The following ELP3 variants were observed in gnomAD, a reference collection of about 807,000 sequenced individuals.
ELP3 encodes elongator acetyltransferase complex subunit 3, also known as elongator complex protein 3.
In ELP3, 56 loss-of-function variants were observed where a neutral mutation model predicts 74.9. The ratio of observed to expected loss-of-function variants is 0.75; its 90% CI spans 0.60 to 0.93. The LOEUF (loss-of-function observed/expected upper bound fraction) is 0.93, where lower values mean the gene tolerates loss of function less well. Among genes scored for constraint, ELP3 ranks in the 40% least tolerant of loss-of-function variants. The pLI is 0.00. For synonymous variants in ELP3, 222 were observed against 239.8 expected (o/e 0.93, Z 0.68); for missense variants, 573 against 686.5 (o/e 0.83, Z 1.85).
intron 10 of ELP3, among the ~76,000 whole-genome samples, 199 bp from the exon 11 acceptor site, chr8:28,155,743 A>T (rs1813799766): frequency 6.6e-6 from 1 of 152,244 alleles, no homozygotes; most frequent in Non-Finnish European, 1.5e-5. Flanking sequence ...GGTCAGGGGA[A>T]ATCATAATTT....
intron 7 of ELP3, chr8:28,129,270 T>C: frequency 2.1e-6 from 1 of 485,496 alleles, no homozygotes; most frequent in East Asian, 3.4e-5. Context: ...GTGTAGATAG[T>C]GTATTATCCT....
Position 28,137,845 on chromosome 8 carries a change from A to C in ELP3, c.1054A>C (p.Ile352Leu). ...TGACCTGGTTGAATTGGTGGCTCGG[A>C]TCCTAGCCCTCGTGCCTCCATGGAC... is the stretch of plus-strand genomic sequence containing the variant. ...PSDLVELVAR[I>L]LALVPPWTRV... Residue 352 changes from isoleucine (I) to leucine (L), a missense_variant, in exon 10 of 15, where the codon ATC (isoleucine) becomes CTC (leucine). Physicochemically the swap from Ile to Leu is conservative, Grantham distance 5. Coordinates refer to ENST00000256398, the MANE Select transcript of ELP3 (RefSeq NM_018091.6). The C allele has an allele frequency of 6.2e-7, 1 of 1,613,672 alleles. No individual in the cohort carries two copies. Among genetic ancestry groups the C allele is most frequent in the Non-Finnish European group, 8.5e-7 (1 of 1,179,906 alleles).
At chr8:28,107,885 C>G in intron 4 of ELP3, 28 bp from the exon 5 acceptor site, 1 of 1,603,774 alleles carries the variant, frequency 6.2e-7, no homozygotes, top group Non-Finnish European at 8.5e-7. Context: ...TTGCATCTGA[C>G]ATTCTTGTTC....
At chr8:28,119,607 T>C (rs1246123418) in intron 7 of ELP3, among the ~76,000 whole-genome samples, 3 of 120,148 alleles carry the variant, frequency 2.5e-5, no homozygotes, top group African/African-American at 1.1e-4. Context: ...TATATATATA[T>C]ATATATATAT....
chr8:28,109,211 G>A (rs765455133), intron 5 of ELP3, among the ~76,000 whole-genome samples: 7 of 152,176 alleles, frequency 4.6e-5, no homozygotes, highest in Non-Finnish European at 8.8e-5. Flanking sequence ...GCCATGTAGA[G>A]AAAGGGTTAG....
intron 10 of ELP3, among the ~76,000 whole-genome samples, chr8:28,153,269 C>A (rs1171943919): frequency 1.3e-5 from 2 of 152,198 alleles, no homozygotes; most frequent in African/African-American, 4.8e-5. Flanking sequence ...CAAATTAAGG[C>A]TCCAAAGTGC....
Position 28,099,903 on chromosome 8 carries a change from T to C in ELP3, c.195T>C (p.Pro65=), listed in dbSNP as rs1811406173. Residue 65 remains proline, a synonymous_variant, in exon 3 of 15, where the codon CCT becomes CCC. Coordinates refer to ENST00000256398, the MANE Select transcript of ELP3 (RefSeq NM_018091.6). The part of the protein sequence containing the change: ...PRLVDIIAAV[P]PQYRKVLMPK... ...TGGTGGATATCATTGCTGCCGTCCC[T>C]CCTCAGTATCGCAAGGTCTTGATGC... is the stretch of plus-strand genomic sequence containing the variant. 1 of 1,614,188 alleles carries C rather than the reference T, an allele frequency of 6.2e-7. No homozygotes were observed. The highest frequency in any genetic ancestry group is 1.7e-5 in the Admixed American group (1 of 60,032).
chr8:28,148,456 CTG>C (rs1813514809), intron 10 of ELP3, among the ~76,000 whole-genome samples: 1 of 152,192 alleles, frequency 6.6e-6, no homozygotes, highest in Non-Finnish European at 1.5e-5. Flanking sequence ...GGCATCATTT[CTG>C]TGGTATTCCT....
At chr8:28,106,060 G>A (rs1811674105) in intron 3 of ELP3, among the ~76,000 whole-genome samples, 1 of 152,102 alleles carries the variant, frequency 6.6e-6, no homozygotes, top group African/African-American at 2.4e-5. Context: ...TTTTCTTACA[G>A]GCTGTTTACT....
Position 28,093,169 on chromosome 8 carries a change from G to C in ELP3, c.-46G>C. On this transcript the variant is annotated 5_prime_UTR_variant, in exon 1 of 15. Coordinates refer to ENST00000256398, the MANE Select transcript of ELP3 (RefSeq NM_018091.6). ...TCAGCTTTCCCCGTGGTCTGAGTTT[G>C]TGGCTGCATTTTTATCTCTGGTGGC... The C allele has an allele frequency of 6.2e-7, 1 of 1,608,578 alleles. No individual in the cohort carries two copies. Among genetic ancestry groups the C allele is most frequent in the Non-Finnish European group, 8.5e-7 (1 of 1,178,554 alleles).
intron 3 of ELP3, among the ~76,000 whole-genome samples, chr8:28,101,859 G>C (rs1811503727): frequency 6.6e-6 from 1 of 152,148 alleles, no homozygotes; most frequent in Admixed American, 6.5e-5. Context: ...CAAAGTGCTG[G>C]GATTACAGAC....
At chr8:28,171,765 T>C (rs1434368191) in intron 14 of ELP3, among the ~76,000 whole-genome samples, 1 of 152,130 alleles carries the variant, frequency 6.6e-6, no homozygotes, top group African/African-American at 2.4e-5. Flanking sequence ...TCTGTTTTCT[T>C]CTAAGGGCTT....
At chr8:28,142,660 G>T (rs1813289603) in intron 10 of ELP3, among the ~76,000 whole-genome samples, 1 of 152,234 alleles carries the variant, frequency 6.6e-6, no homozygotes, top group Non-Finnish European at 1.5e-5. Context: ...GGTGAAGAGA[G>T]TCATCCAGAG....
chr8:28,149,299 C>T (rs535302532), intron 10 of ELP3, among the ~76,000 whole-genome samples: 28 of 152,184 alleles, frequency 1.8e-4, no homozygotes, highest in Non-Finnish European at 3.4e-4. Context: ...CTTCTGTCCT[C>T]TGAAAGAGAT....
At chr8:28,140,659 G>T (rs1258144707) in intron 10 of ELP3, among the ~76,000 whole-genome samples, 1 of 152,016 alleles carries the variant, frequency 6.6e-6, no homozygotes, top group South Asian at 2.1e-4. Flanking sequence ...CACACTGGGA[G>T]CCAATGTCCT....
intron 14 of ELP3, among the ~76,000 whole-genome samples, chr8:28,184,968 CAAAA>C (rs200792598): frequency 7.8e-6 from 1 of 128,884 alleles, no homozygotes; most frequent in African/African-American, 2.8e-5. Flanking sequence ...AACTCCATCT[CAAAA>C]AAAAAAAAAA....
chr8:28,101,084 T>C (rs1811461324), intron 3 of ELP3, among the ~76,000 whole-genome samples: 1 of 151,832 alleles, frequency 6.6e-6, no homozygotes, highest in Non-Finnish European at 1.5e-5. Flanking sequence ...TCTTTGTACT[T>C]AAGTGTTTTT....
upstream of ELP3, chr8:28,093,121 C>A: frequency 6.4e-7 from 1 of 1,574,188 alleles, no homozygotes; most frequent in East Asian, 2.3e-5. Context: ...CATTTTACGA[C>A]AGGCGGGATT....
At chr8:28,096,745 A>G (rs916477508) in intron 1 of ELP3, among the ~76,000 whole-genome samples, 2 of 152,236 alleles carry the variant, frequency 1.3e-5, no homozygotes. Context: ...ACTCCTTGAT[A>G]GCATCTTCAT....
Sources: gnomAD v4.1 joint callset for allele counts (sites outside exome capture counted in the v4.1 genomes callset) on GRCh38, gnomAD v4.1.1 for gene constraint, MANE v1.5 for transcripts, NCBI Gene and HGNC (gene_info 2026-07-23, HGNC 2026-07-21) for gene names.